XDH: variants seen among roughly 807,000 people sequenced by gnomAD.
XDH encodes the protein xanthine dehydrogenase, also known as xanthine dehydrogenase/oxidase.
In XDH, 138 loss-of-function variants were observed where a neutral mutation model predicts 156.1. That is an observed-to-expected ratio of 0.88 (90% CI 0.77 to 1.02). The LOEUF (loss-of-function observed/expected upper bound fraction) is 1.02, where lower values mean the gene tolerates loss of function less well. Ranked by LOEUF, XDH falls within the 50% of genes least tolerant of loss-of-function variation. XDH has a pLI of 0.00. For missense variants in XDH, 1,849 were observed against 1,684.9 expected (o/e 1.10, Z -1.71); for synonymous variants, 669 against 625.7 (o/e 1.07, Z -1.03).
intron 11 of XDH, among the ~76,000 whole-genome samples, chr2:31,382,488 T>A (rs888581785): frequency 2.6e-5 from 4 of 152,242 alleles, no homozygotes; most frequent in African/African-American, 4.8e-5. Context: ...AATGCCACCA[T>A]TTGCAAACTG....
At chr2:31,347,269 G>A (rs939063348) in intron 29 of XDH, among the ~76,000 whole-genome samples, 2 of 152,208 alleles carry the variant, frequency 1.3e-5, no homozygotes, top group Admixed American at 6.5e-5. Context: ...AGAAGCCTCT[G>A]CTTTCCCTCG....
At position 31,349,753 on chromosome 2, in the gene XDH, A is replaced by G. The variant is rs759708338; in HGVS notation, c.2902T>C (p.Cys968Arg). 1 of 1,614,212 alleles carries G rather than the reference A, an allele frequency of 6.2e-7. No homozygotes were observed. The highest frequency in any genetic ancestry group is 8.5e-7 in the Non-Finnish European group (1 of 1,180,044). The change falls in exon 26 of 36, where the codon TGC becomes CGC. Residue 968 changes from cysteine to arginine, a missense_variant. By Grantham distance (180) the Cys-to-Arg change is radical. Coordinates refer to ENST00000379416, the MANE Select transcript of XDH (RefSeq NM_000379.4). Reference sequence around the variant, plus strand: ...GAGCTTGCTAGGCATTCTTCCCAGCATCTGGGCAAGGTGAAACCCTCAAGC... The same window carrying G: ...GAGCTTGCTAGGCATTCTTCCCAGCGTCTGGGCAAGGTGAAACCCTCAAGC... ...QKLEGFTLPRCWEECLASSQY... is the reference protein window; with the variant it reads ...QKLEGFTLPRRWEECLASSQY...
chr2:31,407,130 G>A, intron 1 of XDH, among the ~76,000 whole-genome samples: 1 of 152,304 alleles, frequency 6.6e-6, no homozygotes, highest in South Asian at 2.1e-4. Context: ...CTTCCTAAAG[G>A]AGAAGGGGAG....
intron 33 of XDH, among the ~76,000 whole-genome samples, chr2:31,340,833 C>T (rs1685106475): frequency 6.6e-6 from 1 of 152,138 alleles, no homozygotes; most frequent in Non-Finnish European, 1.5e-5. Flanking sequence ...TGGGACCTCC[C>T]TTTACTACTT....
chr2:31,397,742 G>C lies in XDH; in HGVS notation c.434-13C>G. On this transcript the variant is annotated splice_polypyrimidine_tract_variant and intron_variant, in intron 5 of 35. Transcript: ENST00000379416. ...CGGCACAGATTTCCTGTGGGCCAAGGAAAAAACTGCAATGTCAGTGCAGGG... is the reference window on the plus strand; with the variant it reads ...CGGCACAGATTTCCTGTGGGCCAAGCAAAAAACTGCAATGTCAGTGCAGGG... The C allele has an allele frequency of 6.2e-7, 1 of 1,614,144 alleles. No homozygotes were observed. Among genetic ancestry groups the C allele is most frequent in the Non-Finnish European group, 8.5e-7 (1 of 1,180,010 alleles).
At chr2:31,353,280 T>A (rs1685534154) in intron 24 of XDH, among the ~76,000 whole-genome samples, 1 of 152,140 alleles carries the variant, frequency 6.6e-6, no homozygotes, top group African/African-American at 2.4e-5. Flanking sequence ...ATTTACAATG[T>A]GACTGGAGGA....
intron 33 of XDH, among the ~76,000 whole-genome samples, chr2:31,340,686 TC>T (rs1685102887): frequency 6.6e-6 from 1 of 152,110 alleles, no homozygotes; most frequent in Non-Finnish European, 1.5e-5. Flanking sequence ...TCCAAGCTGG[TC>T]TCGAACTCCT....
At chr2:31,336,789 T>C (rs561458421) in intron 35 of XDH, among the ~76,000 whole-genome samples, 3 of 76,078 alleles carry the variant, frequency 3.9e-5, no homozygotes, top group Non-Finnish European at 5.1e-5. Flanking sequence ...ACTTTACCTA[T>C]AAATCCAAAA....
Position 31,370,469 on chromosome 2 carries a change from A to G in XDH, c.1866T>C (p.Asp622=). The change falls in exon 18 of 36, where the codon GAT becomes GAC. Residue 622 remains aspartate (D), a synonymous_variant. Transcript: ENST00000379416. ...CTGGAACCTTCTTAGCTTCTGATGT[A>G]TCTATGGACCTGCAAGAATGAGTGG... is the stretch of plus-strand genomic sequence containing the variant. ...TRAHAKIKSI[D]TSEAKKVPGF... is the part of the protein sequence containing the mutation. The G allele has an allele frequency of 1.2e-6, 2 of 1,614,184 alleles. No homozygotes were observed. The highest frequency in any genetic ancestry group is 8.5e-7 in the Non-Finnish European group (1 of 1,180,006).
At chr2:31,412,208 G>A (rs922183578) in intron 1 of XDH, among the ~76,000 whole-genome samples, 14 of 152,186 alleles carry the variant, frequency 9.2e-5, no homozygotes, top group Admixed American at 7.2e-4. Context: ...CTTTGACTCT[G>A]ACTCTAGAAC....
intron 33 of XDH, among the ~76,000 whole-genome samples, chr2:31,340,841 C>T (rs1262409625): frequency 6.6e-6 from 1 of 152,110 alleles, no homozygotes; most frequent in African/African-American, 2.4e-5. Flanking sequence ...CCCTTTACTA[C>T]TTCTGCTTAA....
intron 21 of XDH, 45 bp downstream of exon 21, chr2:31,366,825 C>G (rs766288128): frequency 3.7e-6 from 6 of 1,613,004 alleles, no homozygotes; most frequent in Non-Finnish European, 5.1e-6. Flanking sequence ...CTAGGAGCTC[C>G]CCGCTACCCT....
At chr2:31,347,328 A>G (rs1427972994) in intron 29 of XDH, among the ~76,000 whole-genome samples, 194 bp downstream of exon 29, 1 of 152,152 alleles carries the variant, frequency 6.6e-6, no homozygotes, top group African/African-American at 2.4e-5. Flanking sequence ...CTTTGAGGGC[A>G]GTGATTATGA....
At chr2:31,378,499 G>A (rs1002200681) in intron 13 of XDH, among the ~76,000 whole-genome samples, 7 of 152,064 alleles carry the variant, frequency 4.6e-5, no homozygotes, top group African/African-American at 1.7e-4. Context: ...GCCCCCAAAT[G>A]GCCACCCACT....
chr2:31,372,076 T>C (rs928468816), intron 17 of XDH, 152 bp downstream of exon 17: 1 of 1,147,746 alleles, frequency 8.7e-7, no homozygotes, highest in Admixed American at 1.7e-5. Context: ...GACCTGCCTA[T>C]AAGGTCTTCC....
intron 6 of XDH, among the ~76,000 whole-genome samples, chr2:31,394,948 T>G (rs994806476): frequency 3.3e-5 from 5 of 152,242 alleles, no homozygotes; most frequent in Non-Finnish European, 5.9e-5. Context: ...TTATCTATTT[T>G]TTCCATTAAA....
At position 31,381,906 on chromosome 2, in the gene XDH, A is replaced by G. The variant is rs45550432; in HGVS notation, c.1039-180T>C. Reference sequence around the variant, plus strand: ...TTCGGCATTCTGAAAAATGCGCAAAATTTGAAATCAGAATACTTGAGATTG... The same window carrying G: ...TTCGGCATTCTGAAAAATGCGCAAAGTTTGAAATCAGAATACTTGAGATTG... On this transcript the variant is annotated intron_variant, in intron 11 of 35. Coordinates refer to ENST00000379416, the MANE Select transcript of XDH (RefSeq NM_000379.4). 0.017 allele frequency among the ~76,000 whole-genome samples: 2,517 copies of G among 152,270 alleles called. 37 individuals carry two copies. The highest frequency in any genetic ancestry group is 0.048 in the Middle Eastern group (14 of 294).
rs542113657 is a variant in XDH at position 31,383,636 on chromosome 2, A to G, written c.886+119T>C. The G allele has an allele frequency of 1.8e-4, 170 of 922,564 alleles. 1 individual carries two copies. The highest frequency in any genetic ancestry group is 2.0e-4 in the Non-Finnish European group (114 of 580,740). 57.1% of individuals were successfully genotyped at this position (922,564 alleles called of 1,614,324 possible). A position where few individuals can be genotyped will look rare whatever the true frequency, so the allele number is the denominator to read the frequency against. On this transcript the variant is annotated intron_variant, in intron 10 of 35. Transcript: ENST00000379416. ...CCTTTCCCTGTGCAAGGTGAGCCCC[A>G]GGAGAAGCAGGGGGCAGCCAGAGCC...
chr2:31,404,776 C>T (rs1687151086), intron 2 of XDH, among the ~76,000 whole-genome samples: 1 of 152,112 alleles, frequency 6.6e-6, no homozygotes, highest in South Asian at 2.1e-4. Flanking sequence ...TTCTGTGAAC[C>T]TCCAGATACA....
Sources: gnomAD v4.1 joint callset for allele counts (sites outside exome capture counted in the v4.1 genomes callset) on GRCh38, gnomAD v4.1.1 for gene constraint, MANE v1.5 for transcripts, NCBI Gene and HGNC (gene_info 2026-07-23, HGNC 2026-07-21) for gene names.